ASAP2: variants seen among roughly 807,000 people sequenced by gnomAD.
ASAP2 encodes the protein arf-GAP with SH3 domain, ANK repeat and PH domain-containing protein 2.
Under a neutral mutation model 131.4 loss-of-function variants are expected in ASAP2, and 45 were observed. The ratio of observed to expected loss-of-function variants is 0.34; its 90% CI spans 0.27 to 0.44. The LOEUF (loss-of-function observed/expected upper bound fraction) is 0.44, where lower values mean the gene tolerates loss of function less well. ASAP2 is among the 20% of genes least tolerant of loss of function. The pLI is 1.00. For synonymous variants in ASAP2, 510 were observed against 503.0 expected, an observed-to-expected ratio of 1.01 and a Z score of -0.19; for missense variants, 1,011 against 1,297.0, an observed-to-expected ratio of 0.78 and a Z score of 3.39.
chr2:9,354,310 G>A (rs1299830927), intron 12 of ASAP2, among the ~76,000 whole-genome samples: 2 of 152,234 alleles, frequency 1.3e-5, no homozygotes, highest in Non-Finnish European at 2.9e-5. Flanking sequence ...GCACCTGAGT[G>A]CTCCGATCGC....
At chr2:9,251,954 T>G (rs1192301146) in intron 1 of ASAP2, among the ~76,000 whole-genome samples, 2 of 152,118 alleles carry the variant, frequency 1.3e-5, no homozygotes, top group Admixed American at 1.3e-4. Context: ...TTTTTTTAAT[T>G]ATCATCTGTA....
At chr2:9,393,445 G>A (rs764384134) in intron 23 of ASAP2, 37 bp from the exon 24 acceptor site, 26 of 1,552,590 alleles carry the variant, frequency 1.7e-5, no homozygotes, top group Middle Eastern at 1.7e-4. Context: ...GAAGCCTGGC[G>A]GCTGACCCTC....
intron 11 of ASAP2, among the ~76,000 whole-genome samples, chr2:9,349,894 C>A (rs753683799): frequency 2.1e-4 from 32 of 152,086 alleles, no homozygotes; most frequent in Non-Finnish European, 3.8e-4. Flanking sequence ...AGGTTTTTTT[C>A]ATCTTGAAGT....
chr2:9,258,318 G>T, intron 1 of ASAP2, among the ~76,000 whole-genome samples: 2 of 142,800 alleles, frequency 1.4e-5, no homozygotes, highest in Admixed American at 6.9e-5. Context: ...TCACAGTATT[G>T]ATAGTAATCA....
chr2:9,367,492 G>A (rs1419991750), intron 15 of ASAP2, among the ~76,000 whole-genome samples: 5 of 152,146 alleles, frequency 3.3e-5, no homozygotes, highest in Non-Finnish European at 5.9e-5. Context: ...CAGGCGCAGC[G>A]GCTCACGCCT....
At chr2:9,334,036 CTCCT>C (rs1671018649) in intron 7 of ASAP2, among the ~76,000 whole-genome samples, 1 of 118,918 alleles carries the variant, frequency 8.4e-6, no homozygotes, top group African/African-American at 3.3e-5. Context: ...CTCTGTCTTT[CTCCT>C]TTTTTTTTTT....
At chr2:9,384,207 G>T (rs1675087771) in intron 20 of ASAP2, among the ~76,000 whole-genome samples, 1 of 152,184 alleles carries the variant, frequency 6.6e-6, no homozygotes, top group Admixed American at 6.5e-5. Flanking sequence ...GTCAGTTTTA[G>T]GGAGGGACTA....
intron 24 of ASAP2, among the ~76,000 whole-genome samples, chr2:9,397,021 A>G (rs908818058): frequency 6.6e-6 from 1 of 152,206 alleles, no homozygotes; most frequent in African/African-American, 2.4e-5. Flanking sequence ...AAAATAAAAT[A>G]TGCATATCTG....
At chr2:9,228,956 GAGGTGGAAGATCCGGTATCTC>G (rs1662962638) in intron 1 of ASAP2, among the ~76,000 whole-genome samples, 1 of 152,192 alleles carries the variant, frequency 6.6e-6, no homozygotes, top group Non-Finnish European at 1.5e-5. Context: ...CAACTCCCCA[GAGGTGGAAGATCCGGTATCTC>G]AGGAGGGAGT....
At chr2:9,289,589 C>T (rs891884152) in intron 2 of ASAP2, among the ~76,000 whole-genome samples, 1 of 152,194 alleles carries the variant, frequency 6.6e-6, no homozygotes, top group Non-Finnish European at 1.5e-5. Context: ...TTCACCCTCT[C>T]ACCTGCCTTC....
chr2:9,348,755 A>G (rs542232629), intron 11 of ASAP2, among the ~76,000 whole-genome samples: 97 of 152,288 alleles, frequency 6.4e-4, no homozygotes, highest in African/African-American at 2.3e-3. Flanking sequence ...TCTATCTTTG[A>G]TAGTAGTTAA....
intron 1 of ASAP2, among the ~76,000 whole-genome samples, chr2:9,246,876 C>T (rs1008106403): frequency 2.6e-5 from 4 of 152,070 alleles, no homozygotes; most frequent in African/African-American, 9.7e-5. Context: ...GAGTCTTGCT[C>T]CATCATCAGG....
chr2:9,351,055 C>T (rs554107036), intron 12 of ASAP2, among the ~76,000 whole-genome samples, 160 bp downstream of exon 12: 1 of 152,338 alleles, frequency 6.6e-6, no homozygotes, highest in East Asian at 1.9e-4. Flanking sequence ...TTAGTAACTG[C>T]TGGCTTGCCA....
chr2:9,327,520 A>G (rs767791428), intron 6 of ASAP2, among the ~76,000 whole-genome samples: 1 of 152,174 alleles, frequency 6.6e-6, no homozygotes, highest in Non-Finnish European at 1.5e-5. Context: ...AATCCCATTT[A>G]TTTGAACCAT....
chr2:9,349,376 C>A (rs560071375), intron 11 of ASAP2, among the ~76,000 whole-genome samples: 5 of 152,234 alleles, frequency 3.3e-5, no homozygotes, highest in Non-Finnish European at 5.9e-5. Flanking sequence ...TGGGTGTACA[C>A]CCGTGTTAAA....
Position 9,270,785 on chromosome 2 carries a change from A to ATTTTTTTTTTTT in ASAP2, c.127-8518_127-8507dup, listed in dbSNP as rs35913703. Among the ~76,000 whole-genome samples, 13 of 52,928 alleles carry ATTTTTTTTTTTT rather than the reference A, an allele frequency of 2.5e-4. 1 individual carries two copies. The highest frequency in any genetic ancestry group is 7.2e-4 in the African/African-American group (10 of 13,982). 34.7% of individuals were successfully genotyped at this position (52,928 alleles called of 152,430 possible). A position where few individuals can be genotyped will look rare whatever the true frequency, so the allele number is the denominator to read the frequency against. ...AGTCTCCATGAGTTCAATTGTTTTC[A>ATTTTTTTTTTTT]TTTTTTTTTTTTTTTTTTTTTTTTT... On this transcript the variant is annotated intron_variant, in intron 1 of 27. Transcript: ENST00000281419.
intron 25 of ASAP2, 85 bp downstream of exon 25, chr2:9,400,157 C>A (rs1389342834): frequency 7.0e-7 from 1 of 1,435,698 alleles, no homozygotes; most frequent in African/African-American, 1.5e-5. Context: ...GTGGTCAGGA[C>A]TGAGGGAGGG....
At chr2:9,304,855 G>C (rs182701646) in intron 3 of ASAP2, among the ~76,000 whole-genome samples, 152 of 149,364 alleles carry the variant, frequency 1.0e-3, no homozygotes, top group Non-Finnish European at 2.0e-3. Flanking sequence ...TGGTGGAGGA[G>C]GTTGTAATAG....
intron 1 of ASAP2, among the ~76,000 whole-genome samples, chr2:9,257,784 A>G (rs1572271605): frequency 6.6e-6 from 1 of 152,182 alleles, no homozygotes; most frequent in African/African-American, 2.4e-5. Context: ...TCGGCCTCCC[A>G]AAGTGCTGGG....
Sources: gnomAD v4.1 joint callset for allele counts (sites outside exome capture counted in the v4.1 genomes callset) on GRCh38, gnomAD v4.1.1 for gene constraint, MANE v1.5 for transcripts, NCBI Gene and HGNC (gene_info 2026-07-23, HGNC 2026-07-21) for gene names.